BMPR1B: variants seen among roughly 807,000 people sequenced by gnomAD.
BMPR1B encodes the protein bone morphogenetic protein receptor type-1B.
A neutral mutation model predicts 59.1 loss-of-function variants in BMPR1B; 12 were observed. That is an observed-to-expected ratio of 0.20 (90% CI 0.13 to 0.33). BMPR1B has a LOEUF of 0.33. Among genes scored for constraint, BMPR1B ranks in the 10% least tolerant of loss-of-function variants. The pLI, the probability that BMPR1B is intolerant of heterozygous loss-of-function variation, is 1.00. For synonymous variants in BMPR1B, 237 were observed against 207.3 expected (o/e 1.14, Z -1.23); for missense variants, 550 against 610.9 (o/e 0.90, Z 1.05).
chr4:95,076,559 G>A (rs962051295), intron 3 of BMPR1B, among the ~76,000 whole-genome samples: 3 of 151,974 alleles, frequency 2.0e-5, no homozygotes, highest in African/African-American at 4.8e-5. Context: ...ACATATATAA[G>A]TATTATTATC....
intron 10 of BMPR1B, 150 bp downstream of exon 10, chr4:95,131,662 A>G (rs1277363151): frequency 1.4e-5 from 13 of 918,346 alleles, no homozygotes; most frequent in Middle Eastern, 3.3e-4. Flanking sequence ...TTTATTAGCA[A>G]CACAGCATAT....
intron 3 of BMPR1B, among the ~76,000 whole-genome samples, chr4:95,080,157 T>A (rs1323903075): frequency 6.6e-6 from 1 of 152,258 alleles, no homozygotes; most frequent in African/African-American, 2.4e-5. Context: ...TCATCTCTTA[T>A]ACTCACTCCG....
chr4:94,897,698 G>A (rs2148996278), intron 2 of BMPR1B, among the ~76,000 whole-genome samples: 1 of 151,948 alleles, frequency 6.6e-6, no homozygotes, highest in African/African-American at 2.4e-5. Context: ...ATTTTTGATA[G>A]ATGTATAAGA....
chr4:94,893,803 G>A (rs1294668079), intron 2 of BMPR1B, among the ~76,000 whole-genome samples: 3 of 151,870 alleles, frequency 2.0e-5, no homozygotes, highest in Non-Finnish European at 2.9e-5. Flanking sequence ...ACAAAAAGGT[G>A]GAAATGGTGG....
chr4:95,003,801 CTTTTTTT>C (rs5860385), intron 3 of BMPR1B, among the ~76,000 whole-genome samples: 1 of 84,560 alleles, frequency 1.2e-5, no homozygotes, highest in Non-Finnish European at 2.1e-5. Context: ...CAAAGTCCAT[CTTTTTTT>C]TTTTTTTTTT....
intron 2 of BMPR1B, among the ~76,000 whole-genome samples, chr4:94,881,185 A>G (rs1726954485): frequency 6.6e-6 from 1 of 151,956 alleles, no homozygotes; most frequent in Non-Finnish European, 1.5e-5. Flanking sequence ...CTGAAACTGT[A>G]CCTTCTAACT....
At chr4:94,997,561 TA>T (rs1722144556) in intron 3 of BMPR1B, among the ~76,000 whole-genome samples, 1 of 152,238 alleles carries the variant, frequency 6.6e-6, no homozygotes, top group Admixed American at 6.5e-5. Context: ...AAGGCTAATC[TA>T]ATTGATAGCT....
chr4:95,048,335 GGTAGTTGGTAGTACT>G (rs1188443147), intron 3 of BMPR1B, among the ~76,000 whole-genome samples: 1 of 152,144 alleles, frequency 6.6e-6, no homozygotes, highest in Non-Finnish European at 1.5e-5. Flanking sequence ...TGGGTAGAAT[GGTAGTTGGTAGTACT>G]GTTTTAACTT....
intron 3 of BMPR1B, among the ~76,000 whole-genome samples, chr4:95,023,174 T>G (rs1364361610): frequency 6.6e-6 from 1 of 152,152 alleles, no homozygotes; most frequent in Admixed American, 6.6e-5. Flanking sequence ...TAAACACATA[T>G]CCACCCAAAG....
At chr4:95,025,810 T>G (rs1299941259) in intron 3 of BMPR1B, among the ~76,000 whole-genome samples, 1 of 152,280 alleles carries the variant, frequency 6.6e-6, no homozygotes, top group East Asian at 1.9e-4. Flanking sequence ...ACTAGAATGG[T>G]TTTTTAATAT....
At chr4:94,769,471 G>A (rs867015238) in intron 1 of BMPR1B, among the ~76,000 whole-genome samples, 3 of 152,178 alleles carry the variant, frequency 2.0e-5, no homozygotes, top group Admixed American at 6.5e-5. Flanking sequence ...TTAGCCAGGC[G>A]TGGTGGCACA....
chr4:94,987,155 T>TA (rs1418997724), intron 2 of BMPR1B, among the ~76,000 whole-genome samples: 3 of 144,374 alleles, frequency 2.1e-5, no homozygotes, highest in Non-Finnish European at 3.0e-5. Flanking sequence ...AATGTATATA[T>TA]ACATATACAT....
At chr4:94,996,842 C>G (rs1371899246) in intron 3 of BMPR1B, among the ~76,000 whole-genome samples, 1 of 152,140 alleles carries the variant, frequency 6.6e-6, no homozygotes, top group African/African-American at 2.4e-5. Flanking sequence ...ATTAATAGTT[C>G]TTTTTCTCCT....
chr4:94,848,284 C>T (rs1204288613), intron 1 of BMPR1B, among the ~76,000 whole-genome samples: 1 of 152,114 alleles, frequency 6.6e-6, no homozygotes, highest in African/African-American at 2.4e-5. Context: ...TGTAATAGTT[C>T]TTCATCATTA....
intron 1 of BMPR1B, among the ~76,000 whole-genome samples, chr4:94,759,824 CA>C (rs1721690077): frequency 6.6e-6 from 1 of 152,132 alleles, no homozygotes; most frequent in African/African-American, 2.4e-5. Context: ...TTGTGCAATG[CA>C]AAAAAGTTTG....
chr4:95,027,467 T>G (rs1380663630), intron 3 of BMPR1B, among the ~76,000 whole-genome samples: 1 of 152,202 alleles, frequency 6.6e-6, no homozygotes, highest in African/African-American at 2.4e-5. Context: ...TCATCTTTCC[T>G]TTTGAACTGG....
At chr4:95,080,455 CAAA>C (rs1729048586) in intron 3 of BMPR1B, among the ~76,000 whole-genome samples, 1 of 152,108 alleles carries the variant, frequency 6.6e-6, no homozygotes, top group African/African-American at 2.4e-5. Context: ...AGGCTGGTCT[CAAA>C]CTCCTGACCT....
intron 2 of BMPR1B, among the ~76,000 whole-genome samples, chr4:94,879,686 TC>T (rs1726881163): frequency 6.6e-6 from 1 of 152,216 alleles, no homozygotes; most frequent in Non-Finnish European, 1.5e-5. Context: ...TCCTGTTGTT[TC>T]GTCCAGGAGA....
At chr4:95,030,519 G>A (rs549424438) in intron 3 of BMPR1B, among the ~76,000 whole-genome samples, 3 of 151,998 alleles carry the variant, frequency 2.0e-5, no homozygotes, top group African/African-American at 7.2e-5. Context: ...GTTCTGGCCA[G>A]GGCAATTAGG....
Sources: gnomAD v4.1 joint callset for allele counts (sites outside exome capture counted in the v4.1 genomes callset) on GRCh38, gnomAD v4.1.1 for gene constraint, MANE v1.5 for transcripts, NCBI Gene and HGNC (gene_info 2026-07-23, HGNC 2026-07-21) for gene names.